The following SNRK variants were observed in gnomAD, a reference collection of about 807,000 sequenced individuals.
SNRK encodes SNF related kinase, also known as SNF-related serine/threonine-protein kinase.
SNRK carries 3 observed loss-of-function variants against 48.2 expected under a neutral mutation model. That is an observed-to-expected ratio of 0.06 (90% CI 0.03 to 0.16). The LOEUF is 0.16. SNRK is among the 10% of genes least tolerant of loss of function. The pLI is 1.00. For missense variants in SNRK, 627 were observed against 976.0 expected, an observed-to-expected ratio of 0.64 and a Z score of 4.76; for synonymous variants, 376 against 366.1, an observed-to-expected ratio of 1.03 and a Z score of -0.31.
intron 1 of SNRK, among the ~76,000 whole-genome samples, chr3:43,291,913 C>G (rs1436776518): frequency 2.0e-5 from 3 of 152,240 alleles, no homozygotes; most frequent in Non-Finnish European, 4.4e-5. Flanking sequence ...AGGACCTGGA[C>G]AAAGTGAGTT....
At chr3:43,291,362 G>A (rs2090811017) in intron 1 of SNRK, among the ~76,000 whole-genome samples, 1 of 152,194 alleles carries the variant, frequency 6.6e-6, no homozygotes, top group Non-Finnish European at 1.5e-5. Context: ...GTTCCCGTAA[G>A]AGACTGTGAA....
At chr3:43,317,756 A>G (rs1171963207) in intron 3 of SNRK, among the ~76,000 whole-genome samples, 2 of 151,912 alleles carry the variant, frequency 1.3e-5, no homozygotes, top group Non-Finnish European at 2.9e-5. Flanking sequence ...TCTTGCCCAC[A>G]TGTCACCCCT....
At chr3:43,343,801 T>G (rs571075866) in intron 6 of SNRK, among the ~76,000 whole-genome samples, 68 of 152,298 alleles carry the variant, frequency 4.5e-4, no homozygotes, top group Non-Finnish European at 8.5e-4. Context: ...AAATCCAACA[T>G]GTATTAATCT....
At chr3:43,292,565 T>C (rs1219493299) in intron 1 of SNRK, among the ~76,000 whole-genome samples, 2 of 152,250 alleles carry the variant, frequency 1.3e-5, no homozygotes, top group Non-Finnish European at 2.9e-5. Flanking sequence ...GTAGGTATTC[T>C]TCAGAATCAG....
rs1220249396 is a variant in SNRK at position 43,340,372 on chromosome 3, G to A, written c.817G>A (p.Asp273Asn). 6.2e-7 allele frequency: 1 copy of A among 1,613,980 alleles called. No homozygotes were observed. The highest frequency in any genetic ancestry group is 8.5e-7 in the Non-Finnish European group (1 of 1,180,002). Residue 273 changes from aspartate (D) to asparagine (N), a missense_variant, in exon 5 of 7, where the codon GAC becomes AAC. Coordinates refer to ENST00000296088, the MANE Select transcript of SNRK (RefSeq NM_017719.5). Reference protein sequence around the residue: ...IENHPWLQGVDPSPATKYNIP... With the variant: ...IENHPWLQGVNPSPATKYNIP... ...AAATCATCCTTGGCTTCAGGGAGTG[G>A]ACCCTTCACCAGCTACAAAGTATAA...
intron 4 of SNRK, among the ~76,000 whole-genome samples, chr3:43,339,737 A>G (rs573337317): frequency 5.4e-5 from 8 of 147,218 alleles, no homozygotes; most frequent in East Asian, 2.1e-4. Flanking sequence ...AATTGCTTGA[A>G]CCCAGGAGTT....
At position 43,343,330 on chromosome 3, in the gene SNRK, C is replaced by T; in HGVS notation, c.945-14C>T. 6.3e-7 allele frequency: 1 copy of T among 1,590,266 alleles called. No individual in the cohort carries two copies. Among genetic ancestry groups the T allele is most frequent in the East Asian group, 2.2e-5 (1 of 44,482 alleles). On this transcript the variant is annotated splice_polypyrimidine_tract_variant and intron_variant, in intron 5 of 6. Transcript: ENST00000296088. ...TGATATGGCTGACGTTTGCTCTCAC[C>T]TTGTTTTCCTCAGAGCCCTGGAAAC...
At chr3:43,290,574 G>C (rs2090803947) in intron 1 of SNRK, among the ~76,000 whole-genome samples, 1 of 152,106 alleles carries the variant, frequency 6.6e-6, no homozygotes, top group Non-Finnish European at 1.5e-5. Flanking sequence ...CCATATACCA[G>C]CTGCCCTCAT....
chr3:43,288,341 C>G (rs1486023892), intron 1 of SNRK, among the ~76,000 whole-genome samples: 1 of 152,022 alleles, frequency 6.6e-6, no homozygotes, highest in Non-Finnish European at 1.5e-5. Flanking sequence ...TTCTGTTTTA[C>G]TGCAGTAAGA....
At chr3:43,310,009 C>T (rs1381328668) in intron 3 of SNRK, among the ~76,000 whole-genome samples, 1 of 152,052 alleles carries the variant, frequency 6.6e-6, no homozygotes, top group Non-Finnish European at 1.5e-5. Flanking sequence ...ATAGTATAAA[C>T]ATAACTTTTT....
At chr3:43,288,722 A>G (rs2090786570) in intron 1 of SNRK, among the ~76,000 whole-genome samples, 1 of 152,226 alleles carries the variant, frequency 6.6e-6, no homozygotes, top group Non-Finnish European at 1.5e-5. Flanking sequence ...AAAAGGGTAC[A>G]AATGAACTTT....
rs192048697 is a variant in SNRK, at chr3:43,347,504, C to T, written c.1245C>T (p.Asp415=). ...TGTGTGACTCAGCTAAGAAAGATGA[C>T]CTCCCTGAGTTGGCTGGACCAGCAC... The part of the protein sequence containing the change: ...KGLCDSAKKD[D]LPELAGPALS... Residue 415 remains aspartate (D), a synonymous_variant, in exon 7 of 7, where the codon GAC becomes GAT. Coordinates refer to ENST00000296088, the MANE Select transcript of SNRK (RefSeq NM_017719.5). The surrounding 1 kb of genome is among the most constrained non-coding windows in gnomAD (Gnocchi z 5.4). The T allele has an allele frequency of 4.0e-5, 64 of 1,613,640 alleles. No individual in the cohort carries two copies. The East Asian group carries it at 1.3e-3, about 33-fold the overall frequency.
At chr3:43,337,778 C>T (rs2091202684) in intron 4 of SNRK, among the ~76,000 whole-genome samples, 1 of 152,168 alleles carries the variant, frequency 6.6e-6, no homozygotes, top group South Asian at 2.1e-4. Flanking sequence ...TTAGGAGAAG[C>T]TACTGAACAC....
intron 3 of SNRK, among the ~76,000 whole-genome samples, chr3:43,328,520 A>G (rs1385704731): frequency 6.6e-6 from 1 of 152,018 alleles, no homozygotes; most frequent in African/African-American, 2.4e-5. Context: ...GTAGGCATGC[A>G]CCACTGTGCC....
chr3:43,337,193 C>T (rs1231549148), intron 4 of SNRK, among the ~76,000 whole-genome samples: 1 of 151,992 alleles, frequency 6.6e-6, no homozygotes, highest in Non-Finnish European at 1.5e-5. Flanking sequence ...CATGCCTCTG[C>T]CTCTGGAGTA....
intron 2 of SNRK, among the ~76,000 whole-genome samples, chr3:43,300,298 T>C (rs1284683251): frequency 6.6e-6 from 1 of 152,170 alleles, no homozygotes; most frequent in Admixed American, 6.5e-5. Flanking sequence ...TTAATAGTAC[T>C]TATCTCTAGG....
At chr3:43,286,816 G>A (rs2090767632) in intron 1 of SNRK, 141 bp downstream of exon 1, 2 of 146,448 alleles carry the variant, frequency 1.4e-5, no homozygotes, top group African/African-American at 4.9e-5. Flanking sequence ...AAAGTAAGTT[G>A]CGCTCTCGGC....
chr3:43,296,566 G>T (rs991246848), intron 1 of SNRK, among the ~76,000 whole-genome samples: 1 of 151,880 alleles, frequency 6.6e-6, no homozygotes, highest in Admixed American at 6.6e-5. Flanking sequence ...TTTGTGCACA[G>T]CCCTTTTTGT....
intron 1 of SNRK, among the ~76,000 whole-genome samples, chr3:43,288,138 A>G (rs2090780526): frequency 6.6e-6 from 1 of 152,216 alleles, no homozygotes. Flanking sequence ...AAGGTCACAT[A>G]TTGAAGCAGT....
Sources: gnomAD v4.1 joint callset for allele counts (sites outside exome capture counted in the v4.1 genomes callset) on GRCh38, gnomAD v4.1.1 for gene constraint, Gnocchi (gnomAD v3.1) non-coding constraint, MANE v1.5 for transcripts, NCBI Gene and HGNC (gene_info 2026-07-23, HGNC 2026-07-21) for gene names.